NAALADL2: variants seen among roughly 807,000 people sequenced by gnomAD.
The protein encoded by NAALADL2 is inactive N-acetylated-alpha-linked acidic dipeptidase-like protein 2.
In NAALADL2, 76 loss-of-function variants were observed where a neutral mutation model predicts 87.2. That is an observed-to-expected ratio of 0.87 (90% confidence interval 0.72 to 1.05). The LOEUF (loss-of-function observed/expected upper bound fraction) is 1.05. NAALADL2 is among the 50% of genes least tolerant of loss of function. NAALADL2 has a pLI of 0.00. For missense variants in NAALADL2, 1,089 were observed against 945.8 expected, an observed-to-expected ratio of 1.15 and a Z score of -1.99; for synonymous variants, 354 against 331.0, an observed-to-expected ratio of 1.07 and a Z score of -0.75.
At chr3:175,134,425 G>A (rs1469095161) in intron 2 of NAALADL2, among the ~76,000 whole-genome samples, 1 of 140,954 alleles carries the variant, frequency 7.1e-6, no homozygotes, top group African/African-American at 2.9e-5. Context: ...CAGCTACTCA[G>A]CTTTTTTGGG....
intron 3 of NAALADL2, among the ~76,000 whole-genome samples, chr3:174,749,365 C>T (rs1734595001): frequency 6.6e-6 from 1 of 152,126 alleles, no homozygotes; most frequent in Non-Finnish European, 1.5e-5. Context: ...AATCCACAGG[C>T]AATGTCTAAA....
chr3:175,740,078 G>C (rs978577633), intron 12 of NAALADL2, among the ~76,000 whole-genome samples: 5 of 151,856 alleles, frequency 3.3e-5, no homozygotes, highest in African/African-American at 1.2e-4. Flanking sequence ...TAGAAACTGG[G>C]ATAAAGGTAC....
intron 9 of NAALADL2, among the ~76,000 whole-genome samples, chr3:175,535,045 C>CTAAT (rs1489680286): frequency 6.6e-6 from 1 of 152,136 alleles, no homozygotes; most frequent in Admixed American, 6.5e-5. Context: ...CTAAACCAGT[C>CTAAT]ACTGTGGTGC....
intron 1 of NAALADL2, among the ~76,000 whole-genome samples, chr3:174,463,322 G>A (rs1233610332): frequency 6.6e-6 from 1 of 152,122 alleles, no homozygotes; most frequent in Non-Finnish European, 1.5e-5. Context: ...AATAATGTTG[G>A]AACAGTGAGA....
chr3:174,898,136 A>AAAAAAAAAG (rs1731828710), intron 1 of NAALADL2, among the ~76,000 whole-genome samples: 1 of 132,180 alleles, frequency 7.6e-6, no homozygotes, highest in Non-Finnish European at 1.5e-5. Flanking sequence ...AAAAAAAAAA[A>AAAAAAAAAG]AAAAAAAGAA....
chr3:175,307,482 G>A (rs116304457), intron 4 of NAALADL2, among the ~76,000 whole-genome samples: 1,570 of 152,134 alleles, frequency 0.01, 47 homozygotes, highest in East Asian at 0.071. Context: ...TTGAACATTT[G>A]GAGACATAAA....
intron 1 of NAALADL2, among the ~76,000 whole-genome samples, chr3:175,089,736 C>T (rs1719726199): frequency 6.6e-6 from 1 of 152,094 alleles, no homozygotes; most frequent in Admixed American, 6.6e-5. Flanking sequence ...AAATCTGCAA[C>T]TGCAGAAAAA....
chr3:175,470,685 A>T (rs1179235544), intron 8 of NAALADL2, among the ~76,000 whole-genome samples: 1 of 152,162 alleles, frequency 6.6e-6, no homozygotes, highest in Non-Finnish European at 1.5e-5. Flanking sequence ...GCACAAAAAA[A>T]AACAGGAAAA....
At chr3:174,921,058 CAG>C (rs1162899711) in intron 1 of NAALADL2, among the ~76,000 whole-genome samples, 2 of 152,010 alleles carry the variant, frequency 1.3e-5, no homozygotes, top group Admixed American at 1.3e-4. Flanking sequence ...ATCACAATAA[CAG>C]ATATAATAAT....
Position 175,379,864 on chromosome 3 carries a change from C to A in NAALADL2, c.1090+55539C>A, listed in dbSNP as rs149260268. On this transcript the variant is annotated intron_variant, in intron 5 of 13. Coordinates refer to ENST00000454872, the MANE Select transcript of NAALADL2 (RefSeq NM_207015.3). ...AAGAATTAAATTTTGTAGAATGCCA[C>A]AGAGGGATTGGTGGAAGGTTGTGTA... is the stretch of plus-strand genomic sequence containing the variant. Among the ~76,000 whole-genome samples the A allele has an allele frequency of 1.9e-3, 292 of 152,238 alleles. 1 individual carries two copies. Among genetic ancestry groups the A allele is most frequent in the African/African-American group, 6.7e-3 (279 of 41,554 alleles).
chr3:174,931,824 A>G (rs1736930415), intron 1 of NAALADL2, among the ~76,000 whole-genome samples: 1 of 152,196 alleles, frequency 6.6e-6, no homozygotes, highest in African/African-American at 2.4e-5. Flanking sequence ...GGTGTGAGGA[A>G]TTGAGACCTA....
At position 175,452,990 on chromosome 3, in the gene NAALADL2, T is replaced by C. The variant is rs896101790; in HGVS notation, c.1234+5618T>C. On this transcript the variant is annotated intron_variant, in intron 6 of 13. Transcript: ENST00000454872. ...TTTCCAGGATTCTGTCTCAACAGTT[T>C]TGATTTTAGAAATGATTCAGCTGGG... 3.7e-4 allele frequency among the ~76,000 whole-genome samples: 57 copies of C among 152,316 alleles called. 1 individual carries two copies. The highest frequency in any genetic ancestry group is 1.3e-3 in the African/African-American group (56 of 41,584).
intron 5 of NAALADL2, among the ~76,000 whole-genome samples, chr3:175,354,589 C>T (rs546934071): frequency 5.9e-5 from 9 of 151,942 alleles, no homozygotes; most frequent in African/African-American, 1.4e-4. Flanking sequence ...TTTTAAAAAT[C>T]GAAAATTGAT....
intron 2 of NAALADL2, among the ~76,000 whole-genome samples, chr3:174,732,597 G>A (rs143726232): frequency 2.0e-5 from 3 of 152,212 alleles, no homozygotes; most frequent in East Asian, 1.9e-4. Flanking sequence ...AAATATTAAG[G>A]CATCTCAAAA....
intron 2 of NAALADL2, among the ~76,000 whole-genome samples, chr3:174,561,578 T>C (rs564831898): frequency 1.3e-5 from 2 of 152,048 alleles, no homozygotes; most frequent in East Asian, 2.0e-4. Flanking sequence ...CCTGATCAAG[T>C]AGAGAGGATA....
At chr3:175,130,701 A>T (rs536234181) in intron 2 of NAALADL2, among the ~76,000 whole-genome samples, 45 of 152,294 alleles carry the variant, frequency 3.0e-4, no homozygotes, top group Non-Finnish European at 6.2e-4. Flanking sequence ...GTTTCTCTTT[A>T]AGCCATCTAA....
chr3:175,044,125 T>C (rs1212451480), intron 1 of NAALADL2, among the ~76,000 whole-genome samples: 1 of 152,212 alleles, frequency 6.6e-6, no homozygotes, highest in Non-Finnish European at 1.5e-5. Context: ...TTTTTGATGC[T>C]ATTGTAAATG....
intron 1 of NAALADL2, among the ~76,000 whole-genome samples, chr3:175,080,358 T>G (rs2109232964): frequency 6.6e-6 from 1 of 152,352 alleles, no homozygotes. Flanking sequence ...CTGAAATTCT[T>G]AAACTGCAAA....
chr3:175,562,644 A>C (rs1162318329), intron 9 of NAALADL2, among the ~76,000 whole-genome samples: 1 of 151,978 alleles, frequency 6.6e-6, no homozygotes, highest in Admixed American at 6.6e-5. Flanking sequence ...CTGTAAATAA[A>C]GGAATTTTAT....
Sources: gnomAD v4.1 joint callset for allele counts (sites outside exome capture counted in the v4.1 genomes callset) on GRCh38, gnomAD v4.1.1 for gene constraint, MANE v1.5 for transcripts, NCBI Gene and HGNC (gene_info 2026-07-23, HGNC 2026-07-21) for gene names.